Variants in PARD3B observed in about 807,000 individuals in gnomAD.
The protein encoded by PARD3B is par-3 family cell polarity regulator beta.
Under a neutral mutation model 130.2 loss-of-function variants are expected in PARD3B, and 103 were observed. That is an observed-to-expected ratio of 0.79 (90% confidence interval 0.67 to 0.93). The LOEUF (loss-of-function observed/expected upper bound fraction) is 0.93. PARD3B is among the 40% of genes least tolerant of loss of function. The pLI is 0.00. For missense variants in PARD3B, 1,609 were observed against 1,499.2 expected, an observed-to-expected ratio of 1.07 and a Z score of -1.21; for synonymous variants, 583 against 553.2, an observed-to-expected ratio of 1.05 and a Z score of -0.76.
At chr2:205,170,160 C>T (rs1184866774) in intron 11 of PARD3B, among the ~76,000 whole-genome samples, 1 of 152,142 alleles carries the variant, frequency 6.6e-6, no homozygotes, top group Admixed American at 6.5e-5. Flanking sequence ...GAACTCCTGA[C>T]CTCAGGGGAT....
chr2:205,178,562 T>G (rs1177369643), intron 13 of PARD3B, among the ~76,000 whole-genome samples: 2 of 152,202 alleles, frequency 1.3e-5, no homozygotes, highest in Non-Finnish European at 2.9e-5. Flanking sequence ...TTCTGCAAAA[T>G]AAAACAGTCT....
At chr2:204,881,726 G>A (rs1005319470) in intron 2 of PARD3B, among the ~76,000 whole-genome samples, 3 of 152,214 alleles carry the variant, frequency 2.0e-5, no homozygotes, top group East Asian at 1.9e-4. Flanking sequence ...TATGTGTCTT[G>A]GAGTAGTGGG....
At chr2:204,741,625 G>A (rs1211374791) in intron 2 of PARD3B, among the ~76,000 whole-genome samples, 1 of 152,100 alleles carries the variant, frequency 6.6e-6, no homozygotes, top group Non-Finnish European at 1.5e-5. Flanking sequence ...AGAAAATCTT[G>A]AAAAGTCCTG....
Position 205,615,733 on chromosome 2 carries a change from C to CAGT in PARD3B, c.3538_3539insAGT (p.Pro1180delinsGlnSer), listed in dbSNP as rs751638644. ...CTATCAGGAAACAGGCAGACCAGGG[C>CAGT]CCCGTGGGGGCAGCCCAGACCAGTA... On this transcript the variant is annotated protein_altering_variant, in exon 23 of 23. Transcript: ENST00000406610. The CAGT allele has an allele frequency of 3.7e-6, 6 of 1,614,140 alleles. No homozygotes were observed. Among genetic ancestry groups the CAGT allele is most frequent in the Non-Finnish European group, 5.1e-6 (6 of 1,180,020 alleles).
intron 2 of PARD3B, among the ~76,000 whole-genome samples, chr2:204,754,768 C>T (rs1256333151): frequency 6.6e-6 from 1 of 152,028 alleles, no homozygotes; most frequent in Non-Finnish European, 1.5e-5. Flanking sequence ...TTTGGTTTAC[C>T]TCTTCTTGAC....
At chr2:205,134,293 T>C (rs1333195271) in intron 10 of PARD3B, among the ~76,000 whole-genome samples, 1 of 150,944 alleles carries the variant, frequency 6.6e-6, no homozygotes, top group African/African-American at 2.4e-5. Context: ...GAGGCTGAGG[T>C]TGGTGGATTG....
chr2:204,921,308 A>G (rs2047668621), intron 2 of PARD3B, among the ~76,000 whole-genome samples: 1 of 152,216 alleles, frequency 6.6e-6, no homozygotes. Context: ...TCTAGATCAT[A>G]CACTCTATCA....
intron 15 of PARD3B, among the ~76,000 whole-genome samples, chr2:205,210,594 A>G (rs1574400962): frequency 1.3e-5 from 2 of 152,054 alleles, no homozygotes; most frequent in East Asian, 1.9e-4. Context: ...TATAATTTCT[A>G]TACGTGTACT....
chr2:204,647,423 A>C (rs1252094306), intron 1 of PARD3B, among the ~76,000 whole-genome samples: 1 of 150,614 alleles, frequency 6.6e-6, no homozygotes, highest in Non-Finnish European at 1.5e-5. Context: ...TTTAGTCTAA[A>C]TTTCTCAATT....
chr2:205,387,582 T>C (rs1446180561), intron 18 of PARD3B, among the ~76,000 whole-genome samples: 1 of 152,152 alleles, frequency 6.6e-6, no homozygotes, highest in African/African-American at 2.4e-5. Context: ...GACAACAGCT[T>C]AGTCACACTT....
At chr2:205,320,363 T>C (rs1377677136) in intron 18 of PARD3B, among the ~76,000 whole-genome samples, 1 of 152,204 alleles carries the variant, frequency 6.6e-6, no homozygotes, top group Admixed American at 6.5e-5. Flanking sequence ...GGAACCCTCT[T>C]AATTTTGGAA....
chr2:204,986,386 C>T (rs1010946794), intron 3 of PARD3B, among the ~76,000 whole-genome samples: 4 of 152,162 alleles, frequency 2.6e-5, no homozygotes, highest in African/African-American at 9.7e-5. Context: ...AGCATATCAA[C>T]CCTAAACTGT....
intron 10 of PARD3B, among the ~76,000 whole-genome samples, chr2:205,154,126 A>C (rs1429596021): frequency 6.6e-6 from 1 of 152,196 alleles, no homozygotes; most frequent in African/African-American, 2.4e-5. Context: ...AGAATGGGAG[A>C]AAATTTTTGC....
chr2:205,517,081 A>G (rs1260306546), intron 21 of PARD3B, among the ~76,000 whole-genome samples: 2 of 152,168 alleles, frequency 1.3e-5, no homozygotes, highest in African/African-American at 4.8e-5. Context: ...TGATTTTCAT[A>G]CGTCGAATCA....
At chr2:204,621,715 A>T (rs892713492) in intron 1 of PARD3B, among the ~76,000 whole-genome samples, 1 of 152,220 alleles carries the variant, frequency 6.6e-6, no homozygotes, top group Non-Finnish European at 1.5e-5. Flanking sequence ...TCTGCCCATT[A>T]TCTTAAACAA....
intron 4 of PARD3B, among the ~76,000 whole-genome samples, chr2:205,049,433 C>T (rs932529435): frequency 7.2e-5 from 11 of 152,112 alleles, no homozygotes; most frequent in African/African-American, 2.7e-4. Flanking sequence ...GAACTGTGCC[C>T]ATGATCCAGT....
intron 2 of PARD3B, among the ~76,000 whole-genome samples, chr2:204,774,691 T>G (rs2041536833): frequency 6.6e-6 from 1 of 152,154 alleles, no homozygotes; most frequent in Non-Finnish European, 1.5e-5. Context: ...TACACTTTGA[T>G]TTATAACTCA....
At chr2:204,740,826 T>A (rs2039977029) in intron 2 of PARD3B, among the ~76,000 whole-genome samples, 1 of 152,184 alleles carries the variant, frequency 6.6e-6, no homozygotes. Context: ...CTAAAAATCT[T>A]ATATCACATT....
intron 16 of PARD3B, among the ~76,000 whole-genome samples, chr2:205,271,256 C>T (rs1009221897): frequency 6.6e-6 from 1 of 152,136 alleles, no homozygotes; most frequent in Non-Finnish European, 1.5e-5. Flanking sequence ...AAATTCAAGC[C>T]TTAGCAAAAT....
Sources: gnomAD v4.1 joint callset for allele counts (sites outside exome capture counted in the v4.1 genomes callset) on GRCh38, gnomAD v4.1.1 for gene constraint, MANE v1.5 for transcripts, NCBI Gene and HGNC (gene_info 2026-07-23, HGNC 2026-07-21) for gene names.